Variants in FER observed in about 807,000 individuals in gnomAD.
FER encodes tyrosine-protein kinase Fer.
A neutral mutation model predicts 111.0 loss-of-function variants in FER; 63 were observed. The ratio of observed to expected loss-of-function variants is 0.57; its 90% confidence interval spans 0.46 to 0.70. FER has a LOEUF of 0.70. Ranked by LOEUF, FER falls within the 30% of genes least tolerant of loss-of-function variation. FER has a pLI of 0.00. For synonymous variants in FER, 327 were observed against 313.9 expected (o/e 1.04, Z -0.44); for missense variants, 914 against 954.0 (o/e 0.96, Z 0.55).
intron 18 of FER, among the ~76,000 whole-genome samples, chr5:109,185,905 A>G (rs957244085): frequency 3.9e-5 from 6 of 152,252 alleles, no homozygotes; most frequent in Admixed American, 1.3e-4. Context: ...CTACAAACCT[A>G]TATAGCATGT....
intron 11 of FER, among the ~76,000 whole-genome samples, chr5:108,948,019 A>G (rs1402969712): frequency 1.3e-5 from 2 of 152,066 alleles, no homozygotes; most frequent in Non-Finnish European, 2.9e-5. Flanking sequence ...ATGGAAGCAT[A>G]TTTAACTTAA....
rs562021364 is a variant in FER at position 108,813,707 on chromosome 5, CTT to C, written c.207+15320_207+15321del. Among the ~76,000 whole-genome samples the C allele has an allele frequency of 2.1e-3, 319 of 152,182 alleles. 3 individuals carry two copies. Among genetic ancestry groups the C allele is most frequent in the African/African-American group, 7.1e-3 (295 of 41,518 alleles). ...CTCAGATATTTTTACTTCCAACTTC[CTT>C]TCGTAACCCTATTAATGAGGTTAAC... On this transcript the variant is annotated intron_variant, in intron 3 of 19. Coordinates refer to ENST00000281092, the MANE Select transcript of FER (RefSeq NM_005246.4).
intron 17 of FER, among the ~76,000 whole-genome samples, chr5:109,165,587 G>GGA (rs140102621): frequency 0.013 from 1,923 of 145,656 alleles, 85 homozygotes; most frequent in East Asian, 0.091. Context: ...GTGGGAGGAG[G>GGA]GAACTGGTGT....
At chr5:108,968,558 C>G (rs1286028111) in intron 13 of FER, among the ~76,000 whole-genome samples, 1 of 151,962 alleles carries the variant, frequency 6.6e-6, no homozygotes, top group Non-Finnish European at 1.5e-5. Context: ...AATTCAGAGC[C>G]TTAAGTACTT....
At chr5:108,918,645 C>A (rs1471245247) in intron 10 of FER, among the ~76,000 whole-genome samples, 1 of 152,040 alleles carries the variant, frequency 6.6e-6, no homozygotes, top group African/African-American at 2.4e-5. Context: ...CGCCACCACG[C>A]CTGGCTAATT....
chr5:108,762,695 G>T (rs905140415), intron 1 of FER, among the ~76,000 whole-genome samples: 2 of 152,152 alleles, frequency 1.3e-5, no homozygotes, highest in African/African-American at 4.8e-5. Context: ...TTGTGGTTCT[G>T]TTCTCCCTCC....
At chr5:108,806,054 TG>T (rs1406237730) in intron 3 of FER, among the ~76,000 whole-genome samples, 1 of 152,176 alleles carries the variant, frequency 6.6e-6, no homozygotes, top group Non-Finnish European at 1.5e-5. Context: ...CATGGTATTG[TG>T]GGCCAAGCCC....
Position 108,997,900 on chromosome 5 carries a change from C to T in FER, c.1656+38553C>T, listed in dbSNP as rs1764207707. Among the ~76,000 whole-genome samples, 2 of 152,116 alleles carry T rather than the reference C, an allele frequency of 1.3e-5. 1 individual carries two copies. The highest frequency in any genetic ancestry group is 1.3e-4 in the Admixed American group (2 of 15,270). Reference sequence around the variant, plus strand: ...TGAGCTGTGTGTGGTAGGCTCCTCCCAGTTCGAAATTCCCTGTGGCTTTGT... The same window carrying T: ...TGAGCTGTGTGTGGTAGGCTCCTCCTAGTTCGAAATTCCCTGTGGCTTTGT... On this transcript the variant is annotated intron_variant, in intron 13 of 19. Coordinates refer to ENST00000281092, the MANE Select transcript of FER (RefSeq NM_005246.4).
intron 17 of FER, among the ~76,000 whole-genome samples, chr5:109,110,045 G>GTC (rs1406404512): frequency 6.6e-6 from 1 of 152,076 alleles, no homozygotes; most frequent in Admixed American, 6.6e-5. Context: ...TCTAGGCACT[G>GTC]TATCTCTGAC....
At chr5:109,102,065 T>G (rs1309230285) in intron 17 of FER, among the ~76,000 whole-genome samples, 1 of 152,156 alleles carries the variant, frequency 6.6e-6, no homozygotes, top group African/African-American at 2.4e-5. Context: ...CTTTTTGTAG[T>G]GATTATTTTC....
intron 14 of FER, among the ~76,000 whole-genome samples, chr5:109,043,905 A>T (rs536741755): frequency 6.6e-6 from 1 of 152,128 alleles, no homozygotes; most frequent in East Asian, 1.9e-4. Context: ...TGGGAGGCGG[A>T]GGTTGCAGTG....
Position 108,844,907 on chromosome 5 carries a change from C to A in FER, c.481+9100C>A, listed in dbSNP as rs1018117185. ...TACTACAGTTTGTTTATCCATTTTC[C>A]TGTTAATAGGCATTTGGGTTGTTTC... On this transcript the variant is annotated intron_variant, in intron 5 of 19. Coordinates refer to ENST00000281092, the MANE Select transcript of FER (RefSeq NM_005246.4). Among the ~76,000 whole-genome samples, 5 of 146,586 alleles carry A rather than the reference C, an allele frequency of 3.4e-5. No individual in the cohort carries two copies. In the East Asian group the frequency reaches 8.2e-4, roughly 24 times the overall value.
intron 11 of FER, among the ~76,000 whole-genome samples, chr5:108,950,864 G>A (rs969522301): frequency 1.3e-5 from 2 of 151,804 alleles, no homozygotes; most frequent in Non-Finnish European, 2.9e-5. Flanking sequence ...AGGCACATTC[G>A]GTAGACTAGT....
At chr5:108,971,873 C>T (rs557355904) in intron 13 of FER, among the ~76,000 whole-genome samples, 71 of 152,096 alleles carry the variant, frequency 4.7e-4, no homozygotes, top group African/African-American at 1.6e-3. Flanking sequence ...TATACCTGAA[C>T]AGTTTAATAT....
intron 16 of FER, among the ~76,000 whole-genome samples, chr5:109,059,857 G>T (rs749165821): frequency 6.6e-6 from 1 of 152,158 alleles, no homozygotes. Context: ...AAAAACCTCT[G>T]TCCGTGCAAA....
intron 2 of FER, among the ~76,000 whole-genome samples, chr5:108,793,386 C>T (rs1172728547): frequency 6.6e-6 from 1 of 152,132 alleles, no homozygotes; most frequent in Non-Finnish European, 1.5e-5. Context: ...TGTACCACAT[C>T]TCTTTATTCA....
intron 16 of FER, among the ~76,000 whole-genome samples, chr5:109,065,122 C>G (rs17161590): frequency 8.5e-5 from 13 of 152,048 alleles, no homozygotes; most frequent in Non-Finnish European, 1.5e-5. Context: ...TCACCAATAA[C>G]CTATCCAATA....
intron 9 of FER, among the ~76,000 whole-genome samples, chr5:108,889,359 A>C (rs936030021): frequency 6.6e-6 from 1 of 151,980 alleles, no homozygotes; most frequent in Non-Finnish European, 1.5e-5. Context: ...ATGGACTACT[A>C]TTCAGCCATT....
intron 17 of FER, among the ~76,000 whole-genome samples, chr5:109,137,305 A>T (rs914643692): frequency 6.6e-6 from 1 of 152,192 alleles, no homozygotes; most frequent in Non-Finnish European, 1.5e-5. Context: ...TTCTTCAACT[A>T]TGTACCAATC....
Sources: gnomAD v4.1 joint callset for allele counts (sites outside exome capture counted in the v4.1 genomes callset) on GRCh38, gnomAD v4.1.1 for gene constraint, MANE v1.5 for transcripts, NCBI Gene and HGNC (gene_info 2026-07-23, HGNC 2026-07-21) for gene names.